The following HACD1 variants were observed in gnomAD, a reference collection of about 807,000 sequenced individuals.
HACD1 encodes 3-hydroxyacyl-CoA dehydratase 1.
HACD1 carries 41 observed loss-of-function variants against 32.0 expected under a neutral mutation model. The observed-to-expected ratio is 1.28, with a 90% CI of 1.00 to 1.66. The LOEUF (loss-of-function observed/expected upper bound fraction) is 1.66, where lower values mean the gene tolerates loss of function less well. HACD1 is among the 40% of genes most tolerant of loss of function. HACD1 has a pLI of 0.00. For missense variants in HACD1, 396 were observed against 380.1 expected (o/e 1.04, Z -0.35); for synonymous variants, 142 against 139.0 (o/e 1.02, Z -0.15).
chr10:17,590,475 C>G, intron 6 of HACD1, 29 bp from the exon 7 acceptor site: 1 of 1,484,084 alleles, frequency 6.7e-7, no homozygotes, highest in African/African-American at 1.4e-5. Context: ...CAAAGAAAAA[C>G]AAGCTATTGC....
intron 1 of HACD1, among the ~76,000 whole-genome samples, chr10:17,613,580 C>T (rs1341931488): frequency 6.6e-6 from 1 of 152,162 alleles, no homozygotes; most frequent in South Asian, 2.1e-4. Flanking sequence ...CAAATCTCAC[C>T]GCCTCTAGAA....
rs782555786 is a variant in HACD1 at position 17,617,273 on chromosome 10, G to A, written c.67C>T (p.Pro23Ser). The A allele has an allele frequency of 2.0e-5, 29 of 1,471,542 alleles. No homozygotes were observed. In the South Asian group the frequency reaches 3.5e-4, roughly 18 times the overall value. The allele number at this position is 1,471,542 out of a possible 1,614,324, so 91.2% of individuals were successfully genotyped here. The change falls in exon 1 of 7, where the codon CCT becomes TCT. Residue 23 changes from proline to serine, a missense_variant. By Grantham distance (74) the Pro-to-Ser change is moderately conservative. Coordinates refer to ENST00000361271, the MANE Select transcript of HACD1 (RefSeq NM_014241.4). Reference protein sequence around the residue: ...GSRAAGWAGSPPTLLPLSPTS... With the variant: ...GSRAAGWAGSSPTLLPLSPTS... ...GGAGACAGCGGCAGGAGCGTGGGAG[G>A]GGACCCTGCCCAGCCTGCAGCCCGA...
Position 17,603,712 on chromosome 10 carries a change from A to G in HACD1, c.394+14T>C. On this transcript the variant is annotated intron_variant, in intron 3 of 6. Coordinates refer to ENST00000361271, the MANE Select transcript of HACD1 (RefSeq NM_014241.4). ...AATTTATAATAAAAGTATAAAATTG[A>G]AGCAAAAACTCACCAATTAAACAGT... 1 of 1,603,566 alleles carries G rather than the reference A, an allele frequency of 6.2e-7. No homozygotes were observed. Among genetic ancestry groups the G allele is most frequent in the Non-Finnish European group, 8.5e-7 (1 of 1,171,072 alleles).
At chr10:17,612,929 A>C (rs1032686774) in intron 1 of HACD1, among the ~76,000 whole-genome samples, 3 of 151,798 alleles carry the variant, frequency 2.0e-5, no homozygotes, top group Non-Finnish European at 2.9e-5. Context: ...TCAAAAAAAA[A>C]AAAACAAAAA....
intron 6 of HACD1, 124 bp downstream of exon 6, chr10:17,594,081 A>T: frequency 2.2e-6 from 2 of 916,024 alleles, no homozygotes; most frequent in Non-Finnish European, 2.9e-6. Context: ...ATATGGAGTT[A>T]AACCGAAGTT....
intron 1 of HACD1, among the ~76,000 whole-genome samples, chr10:17,616,529 ATCAG>A (rs1833086978): frequency 1.3e-5 from 2 of 152,042 alleles, no homozygotes; most frequent in Non-Finnish European, 2.9e-5. Context: ...GGTCCAGCTT[ATCAG>A]CCACGGAGCC....
chr10:17,604,159 G>A (rs568201647), intron 1 of HACD1, 112 bp from the exon 2 acceptor site: 1 of 729,350 alleles, frequency 1.4e-6, no homozygotes, highest in African/African-American at 1.8e-5. Flanking sequence ...AGCAACCCAG[G>A]TGTCCATAAG....
At chr10:17,615,690 G>T (rs182900991) in intron 1 of HACD1, 8 of 230,896 alleles carry the variant, frequency 3.5e-5, no homozygotes, top group African/African-American at 1.6e-4. Context: ...TATTAGGCCC[G>T]GTGCGATGGC....
Position 17,589,445 on chromosome 10 carries a change from G to C in HACD1, c.*919C>G, listed in dbSNP as rs1338356475. On this transcript the variant is annotated 3_prime_UTR_variant, in exon 7 of 7. Transcript: ENST00000361271. ...CTACAGGCATGTGTCACCATGCCTG[G>C]TTAATTTTTTTTGTTTGTAATTTTT... is the stretch of plus-strand genomic sequence containing the variant. 2 of 152,062 alleles carry C rather than the reference G, an allele frequency of 1.3e-5. No homozygotes were observed. The highest frequency in any genetic ancestry group is 1.9e-4 in the East Asian group (1 of 5,196). 9.4% of individuals were successfully genotyped at this position (152,062 alleles called of 1,614,324 possible).
At position 17,594,369 on chromosome 10, in the gene HACD1, A is replaced by T; in HGVS notation, c.620T>A (p.Ile207Asn). Reference sequence around the variant, plus strand: ...AGCAACTCCAACAGGATATAAGATGATAAAAAAATTATATCTGGAGAAAGA... The same window carrying T: ...AGCAACTCCAACAGGATATAAGATGTTAAAAAAATTATATCTGGAGAAAGA... The part of the protein sequence containing the change: ...FIKWARYNFF[I>N]ILYPVGVAGE... Residue 207 changes from isoleucine (I) to asparagine (N), a missense_variant, in exon 6 of 7, where the codon ATC becomes AAC. Coordinates refer to ENST00000361271, the MANE Select transcript of HACD1 (RefSeq NM_014241.4). 5 of 1,467,150 alleles carry T rather than the reference A, an allele frequency of 3.4e-6. No individual in the cohort carries two copies. The highest frequency in any genetic ancestry group is 4.5e-6 in the Non-Finnish European group (5 of 1,103,646). The allele number at this position is 1,467,150 out of a possible 1,614,324, so 90.9% of individuals were successfully genotyped here. A position where few individuals can be genotyped will look rare whatever the true frequency, so the allele number is the denominator to read the frequency against.
chr10:17,610,624 C>T (rs911028189), intron 1 of HACD1, among the ~76,000 whole-genome samples: 1 of 148,828 alleles, frequency 6.7e-6, no homozygotes, highest in Non-Finnish European at 1.5e-5. Flanking sequence ...CAGAGCCAGA[C>T]TCTGTCTCAA....
At chr10:17,597,491 T>G (rs1834009474) in intron 5 of HACD1, among the ~76,000 whole-genome samples, 1 of 152,102 alleles carries the variant, frequency 6.6e-6, no homozygotes, top group East Asian at 1.9e-4. Flanking sequence ...ATGGCAGAGT[T>G]TTTATCTTTT....
intron 1 of HACD1, among the ~76,000 whole-genome samples, chr10:17,614,269 A>AATT (rs1554817784): frequency 2.6e-5 from 4 of 152,078 alleles, no homozygotes; most frequent in Admixed American, 6.6e-5. Flanking sequence ...TCTTTACAGA[A>AATT]ATTATTATTA....
intron 5 of HACD1, 92 bp downstream of exon 5, chr10:17,599,198 G>T: frequency 6.5e-7 from 1 of 1,540,746 alleles, no homozygotes; most frequent in Non-Finnish European, 8.7e-7. Context: ...CTGGCATCGT[G>T]GGGCTGAAAC....
intron 1 of HACD1, among the ~76,000 whole-genome samples, chr10:17,606,212 T>C (rs1554817043): frequency 6.6e-6 from 1 of 151,994 alleles, no homozygotes; most frequent in African/African-American, 2.4e-5. Flanking sequence ...AAGAAAAAAA[T>C]ACTATATGCC....
At chr10:17,610,258 C>A (rs990452081) in intron 1 of HACD1, among the ~76,000 whole-genome samples, 1 of 152,168 alleles carries the variant, frequency 6.6e-6, no homozygotes, top group Non-Finnish European at 1.5e-5. Context: ...AGATATGGCT[C>A]TTACTTAACA....
At chr10:17,603,054 A>G (rs2131512213) in intron 4 of HACD1, 1 of 152,272 alleles carries the variant, frequency 6.6e-6, no homozygotes, top group South Asian at 2.1e-4. Context: ...CGCCTGGTTA[A>G]TTTTTGTATT....
At chr10:17,604,167 A>T in intron 1 of HACD1, 120 bp from the exon 2 acceptor site, 3 of 695,030 alleles carry the variant, frequency 4.3e-6, no homozygotes, top group Non-Finnish European at 7.3e-6. Context: ...AGGTGTCCAT[A>T]AGTGAGTGAA....
chr10:17,613,794 A>G (rs1833026544), intron 1 of HACD1, among the ~76,000 whole-genome samples: 1 of 152,208 alleles, frequency 6.6e-6, no homozygotes, highest in Non-Finnish European at 1.5e-5. Flanking sequence ...AACTTCAAAG[A>G]GGTAGATTTG....
Sources: gnomAD v4.1 joint callset for allele counts (sites outside exome capture counted in the v4.1 genomes callset) on GRCh38, gnomAD v4.1.1 for gene constraint, MANE v1.5 for transcripts, NCBI Gene and HGNC (gene_info 2026-07-23, HGNC 2026-07-21) for gene names.